STARD10: variants seen among roughly 807,000 people sequenced by gnomAD.
The protein encoded by STARD10 is START domain-containing protein 10.
A neutral mutation model predicts 36.0 loss-of-function variants in STARD10; 24 were observed. The observed-to-expected ratio is 0.67, with a 90% CI of 0.48 to 0.94. The LOEUF (loss-of-function observed/expected upper bound fraction) is 0.94. STARD10 is among the 40% of genes least tolerant of loss of function. The pLI, the probability that STARD10 is intolerant of heterozygous loss-of-function variation, is 0.00. For synonymous variants in STARD10, 156 were observed against 161.9 expected (o/e 0.96, Z 0.28); for missense variants, 335 against 396.6 (o/e 0.84, Z 1.32).
At chr11:72,777,134 C>T (rs1858937977) in intron 2 of STARD10, among the ~76,000 whole-genome samples, 1 of 152,282 alleles carries the variant, frequency 6.6e-6, no homozygotes, top group Non-Finnish European at 1.5e-5. Context: ...AGGAGGTCAC[C>T]TGGAACTGTC....
chr11:72,792,293 G>A (rs1212843344), intron 1 of STARD10, among the ~76,000 whole-genome samples: 1 of 151,922 alleles, frequency 6.6e-6, no homozygotes, highest in Non-Finnish European at 1.5e-5. Context: ...AACCTCAGGT[G>A]ATCCGCTCGC....
intron 5 of STARD10, among the ~76,000 whole-genome samples, chr11:72,756,873 C>T (rs1177373651): frequency 2.0e-5 from 3 of 152,158 alleles, no homozygotes; most frequent in East Asian, 1.9e-4. Flanking sequence ...GGGCTAAGCG[C>T]GGTGGCTCAC....
At chr11:72,771,931 A>G (rs889634333) in intron 2 of STARD10, among the ~76,000 whole-genome samples, 2 of 152,160 alleles carry the variant, frequency 1.3e-5, no homozygotes, top group African/African-American at 4.8e-5. Flanking sequence ...CTGACTTCAG[A>G]CATCAAGACA....
chr11:72,757,202 A>G (rs1297774816), intron 5 of STARD10, among the ~76,000 whole-genome samples: 1 of 151,130 alleles, frequency 6.6e-6, no homozygotes, highest in Non-Finnish European at 1.5e-5. Context: ...AGAGGGAGTG[A>G]CCCCAAATGA....
chr11:72,756,648 G>A (rs570896302), intron 5 of STARD10, among the ~76,000 whole-genome samples: 4 of 152,236 alleles, frequency 2.6e-5, no homozygotes, highest in Admixed American at 1.3e-4. Context: ...AGGTGTGAGA[G>A]ACACCAGGAG....
chr11:72,790,939 T>C (rs866184282), intron 1 of STARD10, among the ~76,000 whole-genome samples: 3 of 152,190 alleles, frequency 2.0e-5, no homozygotes, highest in African/African-American at 4.8e-5. Flanking sequence ...TGCCCCTGCA[T>C]TGACTTTTGG....
At chr11:72,767,772 G>T (rs2135616413) in intron 2 of STARD10, among the ~76,000 whole-genome samples, 1 of 152,276 alleles carries the variant, frequency 6.6e-6, no homozygotes, top group South Asian at 2.1e-4. Context: ...ACAGACCTCT[G>T]CCCTGCCATG....
chr11:72,769,946 G>A (rs1162328813), intron 2 of STARD10, among the ~76,000 whole-genome samples: 1 of 152,108 alleles, frequency 6.6e-6, no homozygotes, highest in African/African-American at 2.4e-5. Context: ...GGGAACAGCT[G>A]CCAGAAATGT....
chr11:72,769,779 A>G (rs149990519), intron 2 of STARD10, among the ~76,000 whole-genome samples: 92 of 152,376 alleles, frequency 6.0e-4, no homozygotes, highest in Middle Eastern at 3.4e-3. Context: ...AGCAAATTAT[A>G]CTGGAGAACC....
At chr11:72,790,911 C>G (rs1414929982) in intron 1 of STARD10, among the ~76,000 whole-genome samples, 1 of 152,202 alleles carries the variant, frequency 6.6e-6, no homozygotes, top group Admixed American at 6.5e-5. Context: ...ATGGTCAGAC[C>G]TGGGGCTGCT....
chr11:72,789,023 CTT>C (rs1555025647), intron 1 of STARD10, among the ~76,000 whole-genome samples: 1 of 149,806 alleles, frequency 6.7e-6, no homozygotes, highest in Non-Finnish European at 1.5e-5. Flanking sequence ...GCCCAGCTAA[CTT>C]TGTAATTTTT....
At chr11:72,756,046 C>T (rs1254932323) in intron 5 of STARD10, 1 of 254,664 alleles carries the variant, frequency 3.9e-6, no homozygotes, top group African/African-American at 2.3e-5. Context: ...AACTCTGACC[C>T]ACCCTGCTGC....
At chr11:72,785,165 T>TC (rs1461164324) in intron 1 of STARD10, among the ~76,000 whole-genome samples, 1 of 151,764 alleles carries the variant, frequency 6.6e-6, no homozygotes. Flanking sequence ...TCCCCTCAAC[T>TC]CCCCACAGCA....
intron 5 of STARD10, among the ~76,000 whole-genome samples, chr11:72,756,293 G>A (rs1363711433): frequency 6.6e-6 from 1 of 152,156 alleles, no homozygotes; most frequent in Non-Finnish European, 1.5e-5. Flanking sequence ...GAGGTGCCGG[G>A]GGAGTGCTAG....
chr11:72,754,951 C>T lies in STARD10; in HGVS notation c.822G>A (p.Glu274=), dbSNP rs1481457013. Reference sequence around the variant, plus strand: ...CCTCGCCGCCCGCGCCGCCCATCCGCTCCTCTCTGCTCTCGGCCACCGCGC... The same window carrying T: ...CCTCGCCGCCCGCGCCGCCCATCCGTTCCTCTCTGCTCTCGGCCACCGCGC... ...DESAVAESRE[E]RMGGAGGEGS... The change falls in exon 7 of 7, where the codon GAG becomes GAA. Residue 274 remains glutamate, a synonymous_variant. Transcript: ENST00000334805. The T allele has an allele frequency of 2.5e-6, 4 of 1,607,646 alleles. No homozygotes were observed. The highest frequency in any genetic ancestry group is 3.4e-6 in the Non-Finnish European group (4 of 1,179,018).
In STARD10 at chr11:72,755,128, C is replaced by T. The variant is rs996870474; in HGVS notation, c.645G>A (p.Met215Ile). The T allele has an allele frequency of 4.3e-6, 7 of 1,612,596 alleles. No individual in the cohort carries two copies. The highest frequency in any genetic ancestry group is 5.9e-6 in the Non-Finnish European group (7 of 1,179,488). ...QFLAPKAMKKMYKACLKYPEW... is the reference protein window; with the variant it reads ...QFLAPKAMKKIYKACLKYPEW... Reference sequence around the variant, plus strand: ...CGGGGTACTTGAGGCACGCCTTGTACATCTTCTTCATGGCCTGTGGGCCCG... The same window carrying T: ...CGGGGTACTTGAGGCACGCCTTGTATATCTTCTTCATGGCCTGTGGGCCCG... Residue 215 changes from methionine to isoleucine, a missense_variant, in exon 7 of 7, where the codon ATG becomes ATA. Transcript: ENST00000334805.
intron 2 of STARD10, among the ~76,000 whole-genome samples, chr11:72,769,931 C>A (rs915299283): frequency 6.6e-6 from 1 of 152,116 alleles, no homozygotes; most frequent in Non-Finnish European, 1.5e-5. Flanking sequence ...CCAGACAGGC[C>A]TATAGGGAAC....
intron 6 of STARD10, 97 bp downstream of exon 6, chr11:72,755,604 C>A: frequency 7.0e-7 from 1 of 1,421,180 alleles, no homozygotes; most frequent in Non-Finnish European, 9.9e-7. Flanking sequence ...AGCCACCACG[C>A]CTGGCCCTCA....
chr11:72,786,523 G>C (rs1039752749), intron 1 of STARD10, among the ~76,000 whole-genome samples: 2 of 152,196 alleles, frequency 1.3e-5, no homozygotes, highest in African/African-American at 4.8e-5. Context: ...ATACCTTGCT[G>C]GGCCTCACTG....
Sources: allele counts gnomAD v4.1 joint callset (sites outside exome capture counted in the v4.1 genomes callset), GRCh38; gene constraint gnomAD v4.1.1; transcripts MANE v1.5; gene names NCBI Gene and HGNC (gene_info 2026-07-23, HGNC 2026-07-21).